Variants in RANBP2 observed in about 807,000 individuals in gnomAD.
The protein encoded by RANBP2 is RAN binding protein 2, also known as E3 SUMO-protein ligase RanBP2.
In RANBP2, 57 loss-of-function variants were observed where a neutral mutation model predicts 303.6. The observed-to-expected ratio is 0.19, with a 90% confidence interval of 0.15 to 0.23. The LOEUF (loss-of-function observed/expected upper bound fraction) is 0.23. Ranked by LOEUF, RANBP2 falls within the 10% of genes least tolerant of loss-of-function variation. The probability of loss-of-function intolerance (pLI) is 1.00; values close to 1 mark genes in which losing one functional copy is unlikely to be tolerated. For synonymous variants in RANBP2, 1,167 were observed against 1,301.5 expected, an observed-to-expected ratio of 0.90 and a Z score of 2.23; for missense variants, 3,138 against 3,780.8, an observed-to-expected ratio of 0.83 and a Z score of 4.46.
chr2:108,780,195 T>C (rs563184835), intron 25 of RANBP2, among the ~76,000 whole-genome samples: 14 of 151,458 alleles, frequency 9.2e-5, no homozygotes, highest in South Asian at 4.2e-4. Flanking sequence ...TTTCCTTTTT[T>C]TCCTTTTTTT....
At chr2:109,627,219 T>C in the RANBP2 span, among the ~76,000 whole-genome samples, 1 of 152,210 alleles carries the variant, frequency 6.6e-6, no homozygotes, top group Non-Finnish European at 1.5e-5. Flanking sequence ...TAGTTTGAGA[T>C]GGGGTCTCGC....
At chr2:108,912,758 C>T in the RANBP2 span, 6 of 1,592,692 alleles carry the variant, frequency 3.8e-6, no homozygotes, top group African/African-American at 6.7e-5. Context: ...TGAAGTGGCT[C>T]CCACACCTGC....
the RANBP2 span, chr2:108,895,619 G>C: frequency 6.6e-6 from 1 of 152,158 alleles, no homozygotes; most frequent in South Asian, 2.1e-4. Flanking sequence ...CAAAGGCCTG[G>C]CATTTCCTAT....
At chr2:109,286,888 G>A in the RANBP2 span, among the ~76,000 whole-genome samples, 1 of 152,200 alleles carries the variant, frequency 6.6e-6, no homozygotes, top group Non-Finnish European at 1.5e-5. Flanking sequence ...TGTCCCCAGA[G>A]AAAGCAGTCA....
At chr2:108,908,122 G>C in the RANBP2 span, 1 of 1,319,070 alleles carries the variant, frequency 7.6e-7, no homozygotes, top group South Asian at 1.5e-5. Flanking sequence ...GTGGACAGTG[G>C]GGGGCAATGA....
At chr2:108,867,327 A>G in the RANBP2 span, among the ~76,000 whole-genome samples, 7 of 152,230 alleles carry the variant, frequency 4.6e-5, no homozygotes, top group South Asian at 1.2e-3. Context: ...TACTGGCAGC[A>G]CTAATGTGTC....
chr2:109,127,880 A>G, the RANBP2 span: 1 of 152,140 alleles, frequency 6.6e-6, no homozygotes, highest in Admixed American at 6.6e-5. Flanking sequence ...TAAATAAAAT[A>G]ATTATCTGGC....
At chr2:109,708,413 T>C in the RANBP2 span, among the ~76,000 whole-genome samples, 1 of 149,828 alleles carries the variant, frequency 6.7e-6, no homozygotes, top group East Asian at 2.0e-4. Context: ...ATCCCAGCAC[T>C]TTAGAAGGCA....
At chr2:109,135,665 CA>C in the RANBP2 span, among the ~76,000 whole-genome samples, 1 of 151,974 alleles carries the variant, frequency 6.6e-6, no homozygotes, top group Non-Finnish European at 1.5e-5. Context: ...TGTGGATGTG[CA>C]TGGGGGGGTG....
chr2:109,615,098 G>C, the RANBP2 span: 1 of 1,549,720 alleles, frequency 6.5e-7, no homozygotes, highest in Non-Finnish European at 8.7e-7. Context: ...CGGCCCGCCA[G>C]AACCTCCGTG....
the RANBP2 span, among the ~76,000 whole-genome samples, chr2:109,228,173 G>C: frequency 6.6e-6 from 1 of 152,272 alleles, no homozygotes; most frequent in Admixed American, 6.5e-5. Context: ...CAAACATGGT[G>C]CTACTTGCTT....
At chr2:108,958,714 C>A in the RANBP2 span, among the ~76,000 whole-genome samples, 1 of 152,160 alleles carries the variant, frequency 6.6e-6, no homozygotes, top group Admixed American at 6.5e-5. Flanking sequence ...TTGGAACACC[C>A]CTAGATATCT....
chr2:108,866,610 C>A, the RANBP2 span, among the ~76,000 whole-genome samples: 1 of 152,154 alleles, frequency 6.6e-6, no homozygotes, highest in Non-Finnish European at 1.5e-5. Flanking sequence ...ATAGGCCAGG[C>A]ATGGTGGCTC....
At position 108,752,015 on chromosome 2, in the gene RANBP2, A is replaced by G. The variant is rs192990682; in HGVS notation, c.1755+21A>G. ...AAACGGTGAGTTTTAAAGTATAAGC[A>G]TTTTTAAAGAACATTACCTTAATTT... On this transcript the variant is annotated intron_variant, in intron 12 of 28. Transcript: ENST00000283195. 600 of 1,611,172 alleles carry G rather than the reference A, an allele frequency of 3.7e-4. 4 individuals are homozygous for G. In the African/African-American group the frequency reaches 6.8e-3, roughly 18 times the overall value.
At chr2:108,872,876 G>A in the RANBP2 span, among the ~76,000 whole-genome samples, 1 of 152,096 alleles carries the variant, frequency 6.6e-6, no homozygotes, top group African/African-American at 2.4e-5. Context: ...CATCTAAATA[G>A]CCCCACAAGT....
chr2:109,363,575 G>T, the RANBP2 span, among the ~76,000 whole-genome samples: 1 of 152,098 alleles, frequency 6.6e-6, no homozygotes, highest in Non-Finnish European at 1.5e-5. Flanking sequence ...TCTTTCTGTA[G>T]ATCTGAATTT....
At chr2:108,833,182 T>G in the RANBP2 span, among the ~76,000 whole-genome samples, 3 of 152,230 alleles carry the variant, frequency 2.0e-5, no homozygotes, top group African/African-American at 7.2e-5. Flanking sequence ...TGGATACATG[T>G]CATTATATGT....
chr2:109,285,479 C>T, the RANBP2 span, among the ~76,000 whole-genome samples: 133 of 152,312 alleles, frequency 8.7e-4, no homozygotes, highest in South Asian at 5.6e-3. Context: ...TGTGTCTGGA[C>T]GTGGTATTCA....
At chr2:109,730,137 C>G in the RANBP2 span, among the ~76,000 whole-genome samples, 1 of 152,162 alleles carries the variant, frequency 6.6e-6, no homozygotes, top group Non-Finnish European at 1.5e-5. Context: ...GGACACAGAG[C>G]CAAACCACAT....
Sources: gnomAD v4.1 joint callset for allele counts (sites outside exome capture counted in the v4.1 genomes callset) on GRCh38, gnomAD v4.1.1 for gene constraint, MANE v1.5 for transcripts, NCBI Gene and HGNC (gene_info 2026-07-23, HGNC 2026-07-21) for gene names.